Variants in EYA4 observed in about 807,000 individuals in gnomAD.
EYA4 encodes the protein EYA transcriptional coactivator and phosphatase 4, also known as protein phosphatase EYA4.
A neutral mutation model predicts 87.9 loss-of-function variants in EYA4; 31 were observed. The observed-to-expected ratio is 0.35, with a 90% CI of 0.27 to 0.48. The LOEUF is 0.48. EYA4 is among the 20% of genes least tolerant of loss of function. The probability of loss-of-function intolerance (pLI) is 0.99; values close to 1 mark genes in which losing one functional copy is unlikely to be tolerated. For missense variants in EYA4, 678 were observed against 761.4 expected (o/e 0.89, Z 1.29); for synonymous variants, 263 against 270.6 (o/e 0.97, Z 0.28).
chr6:133,366,657 G>C (rs1182051381), intron 2 of EYA4, among the ~76,000 whole-genome samples: 1 of 152,146 alleles, frequency 6.6e-6, no homozygotes, highest in Admixed American at 6.5e-5. Flanking sequence ...ATTTCTACGT[G>C]GTATTTGTTA....
At chr6:133,523,217 C>T (rs778487533) in intron 18 of EYA4, 40 bp downstream of exon 18, 22 of 1,599,216 alleles carry the variant, frequency 1.4e-5, no homozygotes, top group Non-Finnish European at 1.8e-5. Flanking sequence ...AATGTGTCCA[C>T]ATCTGTGTGT....
At chr6:133,252,942 A>AACACAC (rs3836960) in intron 1 of EYA4, among the ~76,000 whole-genome samples, 8 of 138,768 alleles carry the variant, frequency 5.8e-5, no homozygotes, top group South Asian at 2.4e-4. Context: ...GGTACTTGAA[A>AACACAC]ACACACACAC....
intron 2 of EYA4, among the ~76,000 whole-genome samples, chr6:133,279,899 T>C (rs1036898769): frequency 6.6e-6 from 1 of 152,192 alleles, no homozygotes; most frequent in Non-Finnish European, 1.5e-5. Context: ...TTAAACAGTA[T>C]GCTAGAATAT....
At chr6:133,314,999 G>T (rs1041188424) in intron 2 of EYA4, among the ~76,000 whole-genome samples, 4 of 152,096 alleles carry the variant, frequency 2.6e-5, no homozygotes, top group Non-Finnish European at 5.9e-5. Flanking sequence ...AACTTTAAGA[G>T]AACATTCTAT....
At chr6:133,527,015 G>A (rs1245548157) in intron 19 of EYA4, among the ~76,000 whole-genome samples, 1 of 152,178 alleles carries the variant, frequency 6.6e-6, no homozygotes, top group East Asian at 1.9e-4. Context: ...TTAATGTTTA[G>A]ATTCGGTTTA....
intron 2 of EYA4, among the ~76,000 whole-genome samples, chr6:133,336,153 G>A (rs921880683): frequency 1.3e-5 from 2 of 152,148 alleles, no homozygotes; most frequent in African/African-American, 2.4e-5. Flanking sequence ...ACTGATCAGG[G>A]TGTCATTAAC....
At chr6:133,507,751 A>G (rs1021303501) in intron 14 of EYA4, among the ~76,000 whole-genome samples, 2 of 152,212 alleles carry the variant, frequency 1.3e-5, no homozygotes, top group African/African-American at 4.8e-5. Flanking sequence ...TATATGTGCC[A>G]CATTTTCTTT....
At chr6:133,497,642 G>A (rs1051050964) in intron 13 of EYA4, among the ~76,000 whole-genome samples, 8 of 152,176 alleles carry the variant, frequency 5.3e-5, no homozygotes, top group African/African-American at 1.9e-4. Context: ...CATCCATCAC[G>A]TTAGAGTTTA....
At chr6:133,352,068 A>T (rs1042754124) in intron 2 of EYA4, among the ~76,000 whole-genome samples, 3 of 152,056 alleles carry the variant, frequency 2.0e-5, no homozygotes, top group Admixed American at 2.0e-4. Flanking sequence ...TATAGATCTC[A>T]ATCTGTTTTA....
At position 133,462,368 on chromosome 6, in the gene EYA4, T is replaced by C; in HGVS notation, c.471T>C (p.Ala157=). The C allele has an allele frequency of 6.2e-7, 1 of 1,614,066 alleles. No homozygotes were observed. Reference sequence around the variant, plus strand: ...CACACATTCTTTCTACACCAGCAGCTCAAACAATGTCTGCCTATGCAGGCC... The same window carrying C: ...CACACATTCTTTCTACACCAGCAGCCCAAACAATGTCTGCCTATGCAGGCC... ...PYPHILSTPA[A]QTMSAYAGQT... is the part of the protein sequence containing the mutation. The change falls in exon 8 of 20, where the codon GCT becomes GCC. Residue 157 remains alanine, a synonymous_variant. Coordinates refer to ENST00000355286, the MANE Select transcript of EYA4 (RefSeq NM_004100.5).
intron 3 of EYA4, among the ~76,000 whole-genome samples, chr6:133,395,231 A>ATTT (rs11399757): frequency 2.1e-5 from 3 of 142,800 alleles, no homozygotes. Context: ...TCACTTAGGG[A>ATTT]TTTTTTTTTT....
At chr6:133,310,208 C>A (rs549968519) in intron 2 of EYA4, among the ~76,000 whole-genome samples, 1 of 152,278 alleles carries the variant, frequency 6.6e-6, no homozygotes, top group East Asian at 1.9e-4. Context: ...GGAAAGGAAG[C>A]CTTTTTCTTA....
chr6:133,404,830 G>A (rs945150327), intron 3 of EYA4, among the ~76,000 whole-genome samples: 2 of 152,206 alleles, frequency 1.3e-5, no homozygotes, highest in Non-Finnish European at 1.5e-5. Context: ...CTTGTATCCA[G>A]TTTCTAGTCT....
intron 2 of EYA4, among the ~76,000 whole-genome samples, chr6:133,278,422 C>T (rs934091054): frequency 6.6e-6 from 1 of 152,190 alleles, no homozygotes; most frequent in African/African-American, 2.4e-5. Flanking sequence ...TATCTCACCA[C>T]TACATTATAA....
rs997085076 is a variant in EYA4 at position 133,424,153 on chromosome 6, C to T, written c.84-22477C>T. Among the ~76,000 whole-genome samples the T allele has an allele frequency of 6.6e-5, 10 of 152,284 alleles. No homozygotes were observed. The East Asian group carries it at 1.9e-3, about 30-fold the overall frequency. Reference sequence around the variant, plus strand: ...TGCTGGTTGTCCTGTTGTCTCTTTGCCCCCTTCGGCCATCCTCTGGCTGTC... The same window carrying T: ...TGCTGGTTGTCCTGTTGTCTCTTTGTCCCCTTCGGCCATCCTCTGGCTGTC... On this transcript the variant is annotated intron_variant, in intron 3 of 19. Transcript: ENST00000355286.
At chr6:133,317,431 C>T (rs1262768381) in intron 2 of EYA4, among the ~76,000 whole-genome samples, 2 of 152,140 alleles carry the variant, frequency 1.3e-5, no homozygotes, top group Non-Finnish European at 2.9e-5. Context: ...CTGGAACCAA[C>T]ATACTTATGA....
At chr6:133,251,661 T>C (rs1459263108) in intron 1 of EYA4, among the ~76,000 whole-genome samples, 2 of 152,200 alleles carry the variant, frequency 1.3e-5, no homozygotes, top group African/African-American at 4.8e-5. Flanking sequence ...CAGGGGATAC[T>C]GTCCTGTGCC....
rs367992580 is a variant in EYA4 at position 133,483,698 on chromosome 6, G to GTTGTTATTA, written c.1191+585_1191+586insGTTATTATT. Among the ~76,000 whole-genome samples, 531 of 134,390 alleles carry GTTGTTATTA rather than the reference G, an allele frequency of 4.0e-3. 4 individuals are homozygous for GTTGTTATTA. The highest frequency in any genetic ancestry group is 6.6e-3 in the African/African-American group (254 of 38,218). The allele number at this position is 134,390 out of a possible 152,430, so 88.2% of individuals were successfully genotyped here. ...TTCTCTTTTATTTATTTATTTCATT[G>GTTGTTATTA]TTATTATTATTATTATTATTATTAT... On this transcript the variant is annotated intron_variant, in intron 13 of 19. Coordinates refer to ENST00000355286, the MANE Select transcript of EYA4 (RefSeq NM_004100.5).
At chr6:133,349,755 C>T (rs911705125) in intron 2 of EYA4, among the ~76,000 whole-genome samples, 2 of 152,084 alleles carry the variant, frequency 1.3e-5, no homozygotes, top group African/African-American at 4.8e-5. Context: ...CAAACAGTGC[C>T]TTGCCATTTG....
Sources: allele counts gnomAD v4.1 joint callset (sites outside exome capture counted in the v4.1 genomes callset), GRCh38; gene constraint gnomAD v4.1.1; transcripts MANE v1.5; gene names NCBI Gene and HGNC (gene_info 2026-07-23, HGNC 2026-07-21).